MAP3K13: variants seen among roughly 807,000 people sequenced by gnomAD.
MAP3K13 encodes mitogen-activated protein kinase kinase kinase 13.
In MAP3K13, 52 loss-of-function variants were observed where a neutral mutation model predicts 104.0. The observed-to-expected ratio is 0.50, with a 90% confidence interval of 0.40 to 0.63. The LOEUF (loss-of-function observed/expected upper bound fraction) is 0.63. Among genes scored for constraint, MAP3K13 ranks in the 20% least tolerant of loss-of-function variants. MAP3K13 has a pLI of 0.00. For synonymous variants in MAP3K13, 394 were observed against 442.2 expected (o/e 0.89, Z 1.37); for missense variants, 914 against 1,218.5 (o/e 0.75, Z 3.72).
intron 1 of MAP3K13, among the ~76,000 whole-genome samples, chr3:185,392,272 T>A (rs905034427): frequency 1.3e-5 from 2 of 152,000 alleles, no homozygotes; most frequent in Non-Finnish European, 2.9e-5. Flanking sequence ...GCAGAGGAGA[T>A]CATTAAAGAG....
chr3:185,429,099 A>C, intron 2 of MAP3K13, 43 bp downstream of exon 2: 1 of 1,564,192 alleles, frequency 6.4e-7, no homozygotes, highest in African/African-American at 1.3e-5. Flanking sequence ...TTGTGTAAAC[A>C]CACCATCACC....
chr3:185,410,982 A>G (rs1713410515), intron 1 of MAP3K13, among the ~76,000 whole-genome samples: 1 of 152,072 alleles, frequency 6.6e-6, no homozygotes, highest in Non-Finnish European at 1.5e-5. Flanking sequence ...CTTTCATGGA[A>G]TATTAAGAGA....
chr3:185,379,558 G>A (rs1297850023), intron 1 of MAP3K13, among the ~76,000 whole-genome samples: 1 of 152,120 alleles, frequency 6.6e-6, no homozygotes, highest in Non-Finnish European at 1.5e-5. Flanking sequence ...ACAGGGGACT[G>A]GTCTCCCGAA....
rs375140297 is a variant in MAP3K13, at chr3:185,455,513, G to C, written c.1278+4118G>C. On this transcript the variant is annotated intron_variant, in intron 7 of 13. Transcript: ENST00000265026. Reference sequence around the variant, plus strand: ...AGATATATACATGAGATATATATGAGATATATATGATATATATGAGATATA... The same window carrying C: ...AGATATATACATGAGATATATATGACATATATATGATATATATGAGATATA... Among the ~76,000 whole-genome samples the C allele has an allele frequency of 6.7e-3, 24 of 3,608 alleles. 1 individual carries two copies. The highest frequency in any genetic ancestry group is 0.015 in the African/African-American group (22 of 1,466). 2.4% of individuals were successfully genotyped at this position (3,608 alleles called of 152,430 possible).
chr3:185,371,404 C>T (rs1724157258), intron 1 of MAP3K13, among the ~76,000 whole-genome samples: 1 of 152,010 alleles, frequency 6.6e-6, no homozygotes, highest in Non-Finnish European at 1.5e-5. Context: ...GCAGGGCAAC[C>T]CTAAGAGAAT....
rs2148896863 is a variant in MAP3K13, at chr3:185,449,992, A to G, written c.1103A>G (p.Asn368Ser). Reference protein sequence around the residue: ...SSAIIWGVGSNSLHLPVPSTC... With the variant: ...SSAIIWGVGSSSLHLPVPSTC... ...GCCATTATCTGGGGTGTTGGAAGCA[A>G]CAGCCTCCACCTTCCAGTTCCTTCC... Residue 368 changes from asparagine to serine, a missense_variant, in exon 6 of 14, where the codon AAC (asparagine) becomes AGC (serine). Physicochemically the swap from Asn to Ser is conservative, Grantham distance 46. This residue lies in a region of MAP3K13 where 175 missense variants were observed against 321.3 expected (regional missense o/e 0.54). Coordinates refer to ENST00000265026, the MANE Select transcript of MAP3K13 (RefSeq NM_004721.5). 6.2e-7 allele frequency: 1 copy of G among 1,613,746 alleles called. No homozygotes were observed. Among genetic ancestry groups the G allele is most frequent in the Non-Finnish European group, 8.5e-7 (1 of 1,179,822 alleles).
intron 1 of MAP3K13, among the ~76,000 whole-genome samples, chr3:185,370,526 T>C (rs1468709978): frequency 6.6e-6 from 1 of 152,078 alleles, no homozygotes; most frequent in African/African-American, 2.4e-5. Flanking sequence ...AAATTTAGCC[T>C]CCATGGCATG....
intron 3 of MAP3K13, among the ~76,000 whole-genome samples, chr3:185,443,212 A>T (rs1715419856): frequency 6.6e-6 from 1 of 152,180 alleles, no homozygotes; most frequent in Non-Finnish European, 1.5e-5. Flanking sequence ...CAGACACAGC[A>T]CAGCATATAG....
chr3:185,477,242 C>T, intron 11 of MAP3K13, 84 bp from the exon 12 acceptor site: 1 of 863,360 alleles, frequency 1.2e-6, no homozygotes, highest in Middle Eastern at 2.1e-4. Context: ...ATGATAATTA[C>T]ATTTTTTACA....
Position 185,473,854 on chromosome 3 carries a change from GTA to G in MAP3K13, c.2430+96_2430+97del. ...ACACATTAGAGAGCATATGTAAAAA[GTA>G]TACATTTTGTAAAAGGACAAGATAA... On this transcript the variant is annotated intron_variant, in intron 11 of 13. Coordinates refer to ENST00000265026, the MANE Select transcript of MAP3K13 (RefSeq NM_004721.5). This position sits in a 1 kb window ranked among gnomAD's most constrained non-coding sequence, Gnocchi z 4.9. The G allele has an allele frequency of 7.6e-7, 1 of 1,322,964 alleles. No individual in the cohort carries two copies. The highest frequency in any genetic ancestry group is 1.5e-5 in the African/African-American group (1 of 68,190). 82.0% of individuals were successfully genotyped at this position (1,322,964 alleles called of 1,614,324 possible). A position where few individuals can be genotyped will look rare whatever the true frequency, so the allele number is the denominator to read the frequency against.
intron 2 of MAP3K13, among the ~76,000 whole-genome samples, chr3:185,431,081 G>A (rs749025861): frequency 6.6e-6 from 1 of 152,144 alleles, no homozygotes; most frequent in African/African-American, 2.4e-5. Context: ...CAGATCTCGT[G>A]AGCACTCACT....
At chr3:185,465,442 CAT>C (rs1244641934) in intron 8 of MAP3K13, among the ~76,000 whole-genome samples, 1 of 152,206 alleles carries the variant, frequency 6.6e-6, no homozygotes, top group African/African-American at 2.4e-5. Context: ...TTTCCATTAA[CAT>C]ATGAGTCTAT....
Position 185,378,032 on chromosome 3 carries a change from G to C in MAP3K13, c.-86+14664G>C, listed in dbSNP as rs963759155. Among the ~76,000 whole-genome samples the C allele has an allele frequency of 9.2e-5, 14 of 152,310 alleles. 1 individual carries two copies. The highest frequency in any genetic ancestry group is 2.4e-4 in the African/African-American group (10 of 41,560). ...GGGGGGAGGTTCTGGAGGAACCCCT[G>C]GCAGCTGCGGTTCAGGTGTTTGGAG... On this transcript the variant is annotated intron_variant, in intron 1 of 13. Transcript: ENST00000265026.
intron 2 of MAP3K13, among the ~76,000 whole-genome samples, chr3:185,347,192 G>A (rs192422739): frequency 6.6e-6 from 1 of 151,948 alleles, no homozygotes; most frequent in East Asian, 1.9e-4. Flanking sequence ...TCACCATGTT[G>A]GCCAGGATGG....
intron 1 of MAP3K13, among the ~76,000 whole-genome samples, chr3:185,416,762 C>T (rs1713800698): frequency 6.6e-6 from 1 of 151,534 alleles, no homozygotes; most frequent in Non-Finnish European, 1.5e-5. Context: ...GTTGGGCCTA[C>T]AGGCACATGC....
intron 1 of MAP3K13, among the ~76,000 whole-genome samples, chr3:185,405,293 C>T (rs555874257): frequency 1.1e-3 from 168 of 152,270 alleles, no homozygotes; most frequent in Middle Eastern, 0.01. Flanking sequence ...TTTGCACATT[C>T]CAATTACTGT....
chr3:185,307,540 C>A (rs1577409669), intron 2 of MAP3K13, among the ~76,000 whole-genome samples: 1 of 43,524 alleles, frequency 2.3e-5, no homozygotes, highest in Non-Finnish European at 5.8e-5. Context: ...TTTGGTGCAC[C>A]ACCCCCTCCC....
intron 7 of MAP3K13, among the ~76,000 whole-genome samples, chr3:185,456,319 A>G (rs1303896678): frequency 6.6e-6 from 1 of 152,122 alleles, no homozygotes; most frequent in Non-Finnish European, 1.5e-5. Flanking sequence ...TTATTATGTA[A>G]GTAAAGTGTT....
At chr3:185,437,000 CAAAAAAAAA>C (rs58819806) in intron 2 of MAP3K13, among the ~76,000 whole-genome samples, 19 of 36,962 alleles carry the variant, frequency 5.1e-4, no homozygotes, top group Non-Finnish European at 7.4e-4. Flanking sequence ...GACTCTGTCT[CAAAAAAAAA>C]AAAAAAAAAA....
Sources: gnomAD v4.1 joint callset for allele counts (sites outside exome capture counted in the v4.1 genomes callset) on GRCh38, gnomAD v4.1.1 for gene constraint, gnomAD v4.1.1 regional missense constraint, Gnocchi (gnomAD v3.1) non-coding constraint, MANE v1.5 for transcripts, NCBI Gene and HGNC (gene_info 2026-07-23, HGNC 2026-07-21) for gene names.